RBM19: variants seen among roughly 807,000 people sequenced by gnomAD.
The protein encoded by RBM19 is probable RNA-binding protein 19.
A neutral mutation model predicts 116.8 loss-of-function variants in RBM19; 94 were observed. That is an observed-to-expected ratio of 0.80 (90% confidence interval 0.68 to 0.95). RBM19 has a LOEUF of 0.95. RBM19 is among the 40% of genes least tolerant of loss of function. The pLI is 0.00. For missense variants in RBM19, 1,161 were observed against 1,220.7 expected, an observed-to-expected ratio of 0.95 and a Z score of 0.73; for synonymous variants, 475 against 494.1, an observed-to-expected ratio of 0.96 and a Z score of 0.51.
chr12:113,937,890 C>A (rs1870216997), intron 15 of RBM19, among the ~76,000 whole-genome samples: 1 of 152,070 alleles, frequency 6.6e-6, no homozygotes, highest in Non-Finnish European at 1.5e-5. Context: ...TCAACAAATG[C>A]CCTTTTTGAA....
chr12:113,836,134 T>A (rs1875864264), intron 23 of RBM19, among the ~76,000 whole-genome samples: 2 of 152,086 alleles, frequency 1.3e-5, no homozygotes, highest in Admixed American at 1.3e-4. Flanking sequence ...AACTCCCACA[T>A]GCAAGGCAGT....
chr12:113,933,639 G>A (rs1355054384), intron 16 of RBM19, among the ~76,000 whole-genome samples: 1 of 152,154 alleles, frequency 6.6e-6, no homozygotes, highest in Non-Finnish European at 1.5e-5. Flanking sequence ...AACCTACAAT[G>A]TAGACCCAGG....
At chr12:113,844,889 C>T in intron 22 of RBM19, 101 bp from the exon 23 acceptor site, 1 of 1,457,880 alleles carries the variant, frequency 6.9e-7, no homozygotes. Flanking sequence ...GATGCCAAAG[C>T]CCAGGTTCTG....
intron 20 of RBM19, among the ~76,000 whole-genome samples, chr12:113,918,130 T>TAA (rs1291871624): frequency 7.9e-6 from 1 of 127,088 alleles, no homozygotes; most frequent in Admixed American, 8.0e-5. Context: ...CTTTTCTTAT[T>TAA]AAAAAAAAAA....
At chr12:113,964,782 G>A (rs1434673802) in intron 1 of RBM19, among the ~76,000 whole-genome samples, 1 of 152,142 alleles carries the variant, frequency 6.6e-6, no homozygotes, top group Admixed American at 6.5e-5. Context: ...AGATACATGT[G>A]AGGAGTCCCA....
intron 21 of RBM19, among the ~76,000 whole-genome samples, chr12:113,888,289 A>G (rs760041426): frequency 1.3e-5 from 2 of 152,260 alleles, no homozygotes; most frequent in Non-Finnish European, 2.9e-5. Flanking sequence ...GACATAACAA[A>G]TAACAGAATC....
intron 23 of RBM19, among the ~76,000 whole-genome samples, chr12:113,840,060 G>A (rs1384699244): frequency 1.3e-5 from 2 of 151,370 alleles, no homozygotes; most frequent in Non-Finnish European, 2.9e-5. Context: ...CCCAGGTAAT[G>A]CAATTACCAG....
chr12:113,944,861 A>G (rs560720913), intron 13 of RBM19, among the ~76,000 whole-genome samples: 4 of 107,656 alleles, frequency 3.7e-5, no homozygotes, highest in Non-Finnish European at 7.7e-5. Flanking sequence ...ATGTATATAT[A>G]AAAATGTATA....
At chr12:113,840,426 C>CT (rs1876360064) in intron 23 of RBM19, among the ~76,000 whole-genome samples, 1 of 152,228 alleles carries the variant, frequency 6.6e-6, no homozygotes, top group Non-Finnish European at 1.5e-5. Context: ...AGGGCTGCTC[C>CT]TGCCCCCGGG....
intron 21 of RBM19, among the ~76,000 whole-genome samples, chr12:113,913,260 T>G (rs1034248541): frequency 6.6e-6 from 1 of 152,104 alleles, no homozygotes; most frequent in African/African-American, 2.4e-5. Flanking sequence ...AGTTCTTAAG[T>G]TGGACTCCTT....
At chr12:113,887,385 C>A (rs1880599213) in intron 21 of RBM19, among the ~76,000 whole-genome samples, 2 of 152,026 alleles carry the variant, frequency 1.3e-5, no homozygotes, top group Non-Finnish European at 2.9e-5. Flanking sequence ...GCCTGTAAAT[C>A]CCAGCACTTT....
intron 21 of RBM19, among the ~76,000 whole-genome samples, chr12:113,905,085 G>T (rs1034162243): frequency 2.0e-5 from 3 of 152,180 alleles, no homozygotes; most frequent in African/African-American, 7.2e-5. Context: ...CCCCCTGAGA[G>T]ACTTTTCTCC....
At chr12:113,936,814 T>C (rs562388647) in intron 16 of RBM19, 193 bp downstream of exon 16, 7 of 642,186 alleles carry the variant, frequency 1.1e-5, no homozygotes, top group Admixed American at 6.5e-5. Flanking sequence ...TAAAAGCATA[T>C]TGCATCCATA....
At chr12:113,818,477 C>T (rs1874203027), downstream of RBM19, among the ~76,000 whole-genome samples, 1 of 152,212 alleles carries the variant, frequency 6.6e-6, no homozygotes, top group Non-Finnish European at 1.5e-5. Context: ...AGTCCCTATC[C>T]CGCCCCAGCC....
At chr12:113,912,889 C>A (rs1296344963) in intron 21 of RBM19, among the ~76,000 whole-genome samples, 2 of 152,134 alleles carry the variant, frequency 1.3e-5, no homozygotes, top group Non-Finnish European at 2.9e-5. Flanking sequence ...TCACAGCGAC[C>A]CCTGCTGTCT....
At chr12:113,891,932 C>T (rs753152879) in intron 21 of RBM19, among the ~76,000 whole-genome samples, 1 of 152,180 alleles carries the variant, frequency 6.6e-6, no homozygotes, top group African/African-American at 2.4e-5. Flanking sequence ...GTTCCTCCGT[C>T]GTGTGTCGGG....
intron 23 of RBM19, among the ~76,000 whole-genome samples, chr12:113,824,395 G>A (rs945177132): frequency 6.6e-6 from 1 of 152,174 alleles, no homozygotes; most frequent in African/African-American, 2.4e-5. Flanking sequence ...TGGCCCTCCA[G>A]GAAAAGAGCG....
At chr12:113,964,027 T>A (rs1308699329) in intron 1 of RBM19, among the ~76,000 whole-genome samples, 3 of 152,358 alleles carry the variant, frequency 2.0e-5, no homozygotes. Flanking sequence ...GGTTCACATG[T>A]CAGTGATGCA....
chr12:113,950,463 T>C (rs1871374736), intron 8 of RBM19, among the ~76,000 whole-genome samples: 1 of 152,126 alleles, frequency 6.6e-6, no homozygotes, highest in Non-Finnish European at 1.5e-5. Context: ...TGGCACCTGC[T>C]CTAAGCCATT....
Sources: allele counts gnomAD v4.1 joint callset (sites outside exome capture counted in the v4.1 genomes callset), GRCh38; gene constraint gnomAD v4.1.1; transcripts MANE v1.5; gene names NCBI Gene and HGNC (gene_info 2026-07-23, HGNC 2026-07-21).